TSPAN9: variants seen among roughly 807,000 people sequenced by gnomAD.
TSPAN9 encodes tetraspanin-9.
TSPAN9 carries 16 observed loss-of-function variants against 31.0 expected under a neutral mutation model. The observed-to-expected ratio is 0.52, with a 90% confidence interval of 0.35 to 0.78. TSPAN9 has a LOEUF of 0.78. TSPAN9 is among the 30% of genes least tolerant of loss of function. The pLI is 0.01. For missense variants in TSPAN9, 272 were observed against 312.5 expected (o/e 0.87, Z 0.98); for synonymous variants, 145 against 121.6 (o/e 1.19, Z -1.27).
intron 3 of TSPAN9, among the ~76,000 whole-genome samples, chr12:3,260,331 G>C (rs1862425075): frequency 6.6e-6 from 1 of 152,218 alleles, no homozygotes; most frequent in Non-Finnish European, 1.5e-5. Flanking sequence ...CTTGGGGTGG[G>C]GATGCAGGTT....
intron 3 of TSPAN9, among the ~76,000 whole-genome samples, chr12:3,241,057 A>C (rs1178667378): frequency 2.0e-5 from 3 of 152,186 alleles, no homozygotes; most frequent in Admixed American, 1.3e-4. Context: ...TTTGAGGAAA[A>C]TCACTTTGCA....
intron 2 of TSPAN9, among the ~76,000 whole-genome samples, chr12:3,098,385 G>A (rs1253131375): frequency 2.0e-5 from 3 of 152,218 alleles, no homozygotes; most frequent in African/African-American, 7.2e-5. Flanking sequence ...GGGCTCAGGT[G>A]TTACACTCGG....
intron 2 of TSPAN9, among the ~76,000 whole-genome samples, chr12:3,194,062 T>C (rs1025912670): frequency 6.6e-6 from 1 of 152,234 alleles, no homozygotes; most frequent in Admixed American, 6.5e-5. Flanking sequence ...AACTCAAGGC[T>C]GTCAGGCTGT....
chr12:3,254,412 C>T (rs891100079), intron 3 of TSPAN9, among the ~76,000 whole-genome samples: 3 of 152,204 alleles, frequency 2.0e-5, no homozygotes, highest in East Asian at 1.9e-4. Context: ...AGAAAATGGA[C>T]GCGAGTGCCC....
At chr12:3,109,021 C>T (rs914944073) in intron 2 of TSPAN9, among the ~76,000 whole-genome samples, 18 of 152,004 alleles carry the variant, frequency 1.2e-4, no homozygotes, top group South Asian at 2.1e-4. Context: ...CTGCAAGCTC[C>T]GCCTCTCGGG....
chr12:3,249,157 A>G (rs1256245440), intron 3 of TSPAN9, among the ~76,000 whole-genome samples: 1 of 152,144 alleles, frequency 6.6e-6, no homozygotes, highest in African/African-American at 2.4e-5. Context: ...CTTCTGCACA[A>G]GGCCCCACCA....
chr12:3,183,802 C>T (rs943171448), intron 2 of TSPAN9, among the ~76,000 whole-genome samples: 8 of 152,176 alleles, frequency 5.3e-5, no homozygotes, highest in African/African-American at 1.9e-4. Context: ...ACCCGGGTTC[C>T]AGTCTACTCG....
intron 3 of TSPAN9, among the ~76,000 whole-genome samples, chr12:3,207,923 C>T (rs751505643): frequency 1.3e-5 from 2 of 152,312 alleles, no homozygotes; most frequent in East Asian, 1.9e-4. Context: ...CCTGAGTGGG[C>T]GCCTCCAGAA....
At chr12:3,173,379 T>A (rs2098353212) in intron 2 of TSPAN9, 1 of 152,430 alleles carries the variant, frequency 6.6e-6, no homozygotes, top group Non-Finnish European at 1.5e-5. Context: ...TTCTCTTCCC[T>A]CTGCCAGGCA....
At chr12:3,144,262 G>A (rs1256568878) in intron 2 of TSPAN9, among the ~76,000 whole-genome samples, 3 of 151,936 alleles carry the variant, frequency 2.0e-5, no homozygotes, top group East Asian at 1.9e-4. Context: ...CACCACGCCC[G>A]GCTAATTTTT....
rs113693696 is a variant in TSPAN9, at chr12:3,096,362, C to T, written c.-18+12643C>T. Among the ~76,000 whole-genome samples, 726 of 152,236 alleles carry T rather than the reference C, an allele frequency of 4.8e-3. 5 individuals are homozygous for T. Among genetic ancestry groups the T allele is most frequent in the Non-Finnish European group, 7.9e-3 (540 of 68,012 alleles). On this transcript the variant is annotated intron_variant, in intron 2 of 8. Transcript: ENST00000011898. ...CTGACTTACTGGCATGGGACTTCTG[C>T]GGCCTCACTGGCATTCTTAGAGGCA...
At chr12:3,185,636 A>G (rs1421179562) in intron 2 of TSPAN9, among the ~76,000 whole-genome samples, 2 of 152,208 alleles carry the variant, frequency 1.3e-5, no homozygotes, top group Admixed American at 1.3e-4. Context: ...CTGTGGCTCT[A>G]CGTGCTGCAG....
At chr12:3,271,187 T>C (rs1862670495) in intron 3 of TSPAN9, among the ~76,000 whole-genome samples, 1 of 152,144 alleles carries the variant, frequency 6.6e-6, no homozygotes, top group Non-Finnish European at 1.5e-5. Flanking sequence ...AAAGTGAAGG[T>C]ATGAAGGTGA....
intron 2 of TSPAN9, among the ~76,000 whole-genome samples, chr12:3,110,719 C>CA (rs538025560): frequency 1.6e-3 from 246 of 152,324 alleles, no homozygotes; most frequent in Non-Finnish European, 2.9e-3. Flanking sequence ...AATGCAAACA[C>CA]AAGCACAGTT....
At chr12:3,098,154 A>G (rs1370169890) in intron 2 of TSPAN9, among the ~76,000 whole-genome samples, 2 of 152,220 alleles carry the variant, frequency 1.3e-5, no homozygotes, top group African/African-American at 4.8e-5. Flanking sequence ...GGGGCAAGTC[A>G]TGTCATTTCT....
chr12:3,132,849 G>A (rs1053632492), intron 2 of TSPAN9, among the ~76,000 whole-genome samples: 3 of 151,948 alleles, frequency 2.0e-5, no homozygotes, highest in Non-Finnish European at 2.9e-5. Context: ...CCCACCGCCC[G>A]CCTGTCAGGT....
intron 3 of TSPAN9, among the ~76,000 whole-genome samples, chr12:3,268,207 C>T (rs1280303745): frequency 5.1e-4 from 58 of 113,770 alleles, no homozygotes; most frequent in South Asian, 1.4e-3. Context: ...GCCCTCTGTG[C>T]GTTCCTGCAG....
intron 2 of TSPAN9, among the ~76,000 whole-genome samples, chr12:3,174,682 G>A (rs56354500): frequency 0.28 from 42,152 of 151,074 alleles, 6,064 homozygotes; most frequent in African/African-American, 0.31. Context: ...TCCCGGGTTC[G>A]CGCCATTCTC....
intron 2 of TSPAN9, among the ~76,000 whole-genome samples, chr12:3,184,077 T>C (rs2098359824): frequency 6.6e-6 from 1 of 152,230 alleles, no homozygotes; most frequent in Admixed American, 6.5e-5. Context: ...TGACGGCCCA[T>C]AGCTTCTGGG....
Sources: allele counts gnomAD v4.1 joint callset (sites outside exome capture counted in the v4.1 genomes callset), GRCh38; gene constraint gnomAD v4.1.1; transcripts MANE v1.5; gene names NCBI Gene and HGNC (gene_info 2026-07-23, HGNC 2026-07-21).